ATG7: variants seen among roughly 807,000 people sequenced by gnomAD.
ATG7 encodes ubiquitin-like modifier-activating enzyme ATG7.
A neutral mutation model predicts 82.4 loss-of-function variants in ATG7; 70 were observed. The observed-to-expected ratio is 0.85, with a 90% CI of 0.70 to 1.04. ATG7 has a LOEUF of 1.04. Among genes scored for constraint, ATG7 ranks in the 50% least tolerant of loss-of-function variants. The pLI is 0.00. For missense variants in ATG7, 792 were observed against 864.3 expected, an observed-to-expected ratio of 0.92 and a Z score of 1.05; for synonymous variants, 287 against 313.0, an observed-to-expected ratio of 0.92 and a Z score of 0.88.
chr3:11,362,415 G>A (rs1006281184), intron 16 of ATG7, among the ~76,000 whole-genome samples: 5 of 152,192 alleles, frequency 3.3e-5, no homozygotes, highest in African/African-American at 1.2e-4. Flanking sequence ...AGTTAAAATG[G>A]CAGGGCAGAA....
chr3:11,525,007 A>G (rs527501939), intron 20 of ATG7, among the ~76,000 whole-genome samples: 76 of 152,144 alleles, frequency 5.0e-4, no homozygotes, highest in African/African-American at 1.8e-3. Context: ...AAGGGTATTT[A>G]TTCCTCTGTC....
At chr3:11,401,785 A>T (rs2079862676) in intron 19 of ATG7, among the ~76,000 whole-genome samples, 1 of 152,196 alleles carries the variant, frequency 6.6e-6, no homozygotes, top group Non-Finnish European at 1.5e-5. Flanking sequence ...ACAGACTATA[A>T]GCTCTAAGTA....
intron 20 of ATG7, among the ~76,000 whole-genome samples, chr3:11,552,109 T>G (rs2071859220): frequency 6.6e-6 from 1 of 152,236 alleles, no homozygotes. Context: ...TATAATTGGT[T>G]GTTGTCAATT....
chr3:11,461,565 C>G (rs2086299370), intron 20 of ATG7, among the ~76,000 whole-genome samples: 2 of 152,250 alleles, frequency 1.3e-5, no homozygotes, highest in South Asian at 4.1e-4. Flanking sequence ...GACTCAAAAG[C>G]AAGCATTTAA....
In ATG7 at chr3:11,556,086, A is replaced by ATTATTGTTCTTAAGGCTACTTTT. The variant is rs1231509217; in HGVS notation, c.*1244_*1266dup. On this transcript the variant is annotated 3_prime_UTR_variant, in exon 21 of 21. Transcript: ENST00000693202. Reference sequence around the variant, plus strand: ...ACACTATGTGGTTTAAGAGCACTTTATTATTGTTCTTAAGGCTACTTTTAA... The same window carrying ATTATTGTTCTTAAGGCTACTTTT: ...ACACTATGTGGTTTAAGAGCACTTTATTATTGTTCTTAAGGCTACTTTTTTATTGTTCTTAAGGCTACTTTTAA... 1.3e-5 allele frequency: 2 copies of ATTATTGTTCTTAAGGCTACTTTT among 152,664 alleles called. No individual in the cohort carries two copies. Among genetic ancestry groups the ATTATTGTTCTTAAGGCTACTTTT allele is most frequent in the African/African-American group, 4.8e-5 (2 of 41,414 alleles). 9.5% of individuals were successfully genotyped at this position (152,664 alleles called of 1,614,324 possible). A position where few individuals can be genotyped will look rare whatever the true frequency, so the allele number is the denominator to read the frequency against.
At chr3:11,496,788 T>C (rs2090867438) in intron 20 of ATG7, among the ~76,000 whole-genome samples, 1 of 152,214 alleles carries the variant, frequency 6.6e-6, no homozygotes. Context: ...AAAATAAAGC[T>C]GTTAATACTT....
chr3:11,408,546 G>T (rs2080577229), intron 19 of ATG7, among the ~76,000 whole-genome samples: 1 of 152,190 alleles, frequency 6.6e-6, no homozygotes, highest in Admixed American at 6.5e-5. Flanking sequence ...ACATACCCGA[G>T]ACTGGGCAAT....
In ATG7 at chr3:11,347,995, T is replaced by G. The variant is rs1235813609; in HGVS notation, c.1244T>G (p.Leu415Arg). The G allele has an allele frequency of 3.1e-6, 5 of 1,614,102 alleles. No homozygotes were observed. Among genetic ancestry groups the G allele is most frequent in the Non-Finnish European group, 4.2e-6 (5 of 1,179,940 alleles). The change falls in exon 14 of 21, where the codon CTG (leucine) becomes CGG (arginine). Residue 415 changes from leucine to arginine, a missense_variant. Transcript: ENST00000693202. Reference protein sequence around the residue: ...DCLGGGKPKALAAADRLQKIF... With the variant: ...DCLGGGKPKARAAADRLQKIF... ...CTAGGGGGTGGTAAGCCCAAGGCTC[T>G]GGCAGCAGCGGACCGGCTCCAGAAA...
intron 20 of ATG7, among the ~76,000 whole-genome samples, chr3:11,504,676 C>A (rs4553959): frequency 4.6e-5 from 7 of 151,910 alleles, no homozygotes; most frequent in Admixed American, 4.6e-4. Flanking sequence ...AGAGAGTTTG[C>A]GATTAAATTA....
At chr3:11,335,838 C>T (rs922415130) in intron 11 of ATG7, among the ~76,000 whole-genome samples, 3 of 152,110 alleles carry the variant, frequency 2.0e-5, no homozygotes, top group Non-Finnish European at 2.9e-5. Flanking sequence ...GCTGGGATTA[C>T]AGTCGCGTGC....
At chr3:11,437,803 G>A (rs2083497734) in intron 20 of ATG7, among the ~76,000 whole-genome samples, 5 of 151,934 alleles carry the variant, frequency 3.3e-5, no homozygotes, top group Admixed American at 2.6e-4. Flanking sequence ...TATATACAGC[G>A]GCACCTCACC....
the ATG7 span, among the ~76,000 whole-genome samples, chr3:11,566,422 CG>C: frequency 6.6e-6 from 1 of 152,192 alleles, no homozygotes; most frequent in Non-Finnish European, 1.5e-5. Context: ...ATTCAGATTT[CG>C]TGTTTTGCTT....
chr3:11,339,239 T>TGGC (rs1953068167), intron 11 of ATG7, among the ~76,000 whole-genome samples: 2 of 141,588 alleles, frequency 1.4e-5, no homozygotes, highest in Admixed American at 1.6e-4. Context: ...GAGCTTGCAG[T>TGGC]GAGCCAAAAT....
At chr3:11,317,584 C>CTTTTTTTTTTTTTT (rs370026914) in intron 9 of ATG7, among the ~76,000 whole-genome samples, 22 of 114,482 alleles carry the variant, frequency 1.9e-4, no homozygotes, top group African/African-American at 5.5e-4. Flanking sequence ...TTCTTTCTTT[C>CTTTTTTTTTTTTTT]TTTTTTTTTT....
chr3:11,396,793 A>AAG lies in ATG7; in HGVS notation c.1956+16742_1956+16743insGA, dbSNP rs1553642275. ...CAAGACTCTGTCTCCAAAAAAAAAA[A>AAG]AAAAGAAAAGAAAAGAAAAGTATTA... is the stretch of plus-strand genomic sequence containing the variant. On this transcript the variant is annotated intron_variant, in intron 19 of 20. Transcript: ENST00000693202. 2.8e-4 allele frequency among the ~76,000 whole-genome samples: 40 copies of AAG among 143,746 alleles called. 3 individuals are homozygous for AAG. The highest frequency in any genetic ancestry group is 2.0e-3 in the Admixed American group (29 of 14,342). The allele number at this position is 143,746 out of a possible 152,430, so 94.3% of individuals were successfully genotyped here. A position where few individuals can be genotyped will look rare whatever the true frequency, so the allele number is the denominator to read the frequency against.
chr3:11,365,188 C>T (rs529946888), intron 18 of ATG7, among the ~76,000 whole-genome samples: 187 of 152,308 alleles, frequency 1.2e-3, no homozygotes, highest in African/African-American at 4.1e-3. Flanking sequence ...AGAAAGGGCT[C>T]AGCAACAGTG....
chr3:11,565,767 G>A, the ATG7 span, among the ~76,000 whole-genome samples: 1 of 152,200 alleles, frequency 6.6e-6, no homozygotes, highest in Non-Finnish European at 1.5e-5. The surrounding 1 kb of genome is among the most constrained non-coding windows in gnomAD (Gnocchi z 4.1). Context: ...GAGACAGTCA[G>A]CACCACCTCC....
intron 10 of ATG7, among the ~76,000 whole-genome samples, chr3:11,332,123 A>G (rs892282765): frequency 7.2e-5 from 11 of 152,266 alleles, no homozygotes; most frequent in African/African-American, 2.7e-4. Context: ...AAAGCTGGGA[A>G]TAGTTCACAC....
At chr3:11,570,850 C>T in the ATG7 span, among the ~76,000 whole-genome samples, 1 of 152,336 alleles carries the variant, frequency 6.6e-6, no homozygotes, top group Middle Eastern at 3.4e-3. Flanking sequence ...AACACACACA[C>T]AGGAGTGAAC....
Sources: gnomAD v4.1 joint callset for allele counts (sites outside exome capture counted in the v4.1 genomes callset) on GRCh38, gnomAD v4.1.1 for gene constraint, Gnocchi (gnomAD v3.1) non-coding constraint, MANE v1.5 for transcripts, NCBI Gene and HGNC (gene_info 2026-07-23, HGNC 2026-07-21) for gene names.